The following CCDC15 variants were observed in gnomAD, a reference collection of about 807,000 sequenced individuals.
The protein encoded by CCDC15 is coiled-coil domain-containing protein 15.
CCDC15 carries 105 observed loss-of-function variants against 114.5 expected under a neutral mutation model. That is an observed-to-expected ratio of 0.92 (90% confidence interval 0.78 to 1.08). CCDC15 has a LOEUF of 1.08. Among genes scored for constraint, CCDC15 ranks in the 50% least tolerant of loss-of-function variants. The pLI, the probability that CCDC15 is intolerant of heterozygous loss-of-function variation, is 0.00. For missense variants in CCDC15, 1,105 were observed against 1,093.6 expected (o/e 1.01, Z -0.15); for synonymous variants, 334 against 377.8 (o/e 0.88, Z 1.34).
chr11:125,003,933 G>A lies in CCDC15; in HGVS notation c.2281G>A (p.Val761Met), dbSNP rs371494047. The A allele has an allele frequency of 3.0e-5, 46 of 1,550,236 alleles. No homozygotes were observed. The highest frequency in any genetic ancestry group is 4.3e-5 in the Admixed American group (2 of 46,676). ...FQAPLAFQSD[V>M]DKEEDKKERQ... ...AGCTCCACTGGCATTTCAGTCTGAC[G>A]TGGATAAAGAAGAAGATAAGAAAGA... The change falls in exon 12 of 16, where the codon GTG becomes ATG. Residue 761 changes from valine to methionine, a missense_variant. By Grantham distance (21) the Val-to-Met change is conservative. Coordinates refer to ENST00000344762, the MANE Select transcript of CCDC15 (RefSeq NM_025004.3).
intron 6 of CCDC15, 51 bp from the exon 7 acceptor site, chr11:124,986,691 T>TGTGGG: frequency 8.2e-7 from 1 of 1,221,882 alleles, no homozygotes; most frequent in South Asian, 1.7e-5. Context: ...GTGTGTGTGT[T>TGTGGG]TGTGTGTGTG....
intron 12 of CCDC15, 62 bp downstream of exon 12, chr11:125,004,021 A>G (rs561420404): frequency 3.5e-6 from 3 of 853,828 alleles, no homozygotes; most frequent in African/African-American, 3.6e-5. Flanking sequence ...AATATATGAG[A>G]AATTGGAAAC....
intron 4 of CCDC15, among the ~76,000 whole-genome samples, chr11:124,970,561 C>T (rs1947861623): frequency 6.6e-6 from 1 of 152,176 alleles, no homozygotes. Flanking sequence ...CTTAACAATA[C>T]ACTTTACATT....
At chr11:125,032,457 T>C (rs1283390457) in intron 13 of CCDC15, among the ~76,000 whole-genome samples, 1 of 152,174 alleles carries the variant, frequency 6.6e-6, no homozygotes, top group African/African-American at 2.4e-5. Context: ...TGGTTAAGCT[T>C]ATGATAATCC....
At chr11:124,991,326 G>A in intron 8 of CCDC15, 135 bp from the exon 9 acceptor site, 3 of 485,428 alleles carry the variant, frequency 6.2e-6, no homozygotes, top group South Asian at 6.2e-5. Flanking sequence ...AAGTATGAGT[G>A]TCTCTTTTAT....
At chr11:124,955,483 A>G (rs1947533114) in intron 2 of CCDC15, among the ~76,000 whole-genome samples, 1 of 152,246 alleles carries the variant, frequency 6.6e-6, no homozygotes, top group Non-Finnish European at 1.5e-5. Flanking sequence ...CTTGGCACTT[A>G]CCACATTGTG....
At chr11:125,008,993 C>T (rs1948570492) in intron 13 of CCDC15, among the ~76,000 whole-genome samples, 2 of 151,956 alleles carry the variant, frequency 1.3e-5, no homozygotes, top group Non-Finnish European at 2.9e-5. Flanking sequence ...CTGAGGCGGG[C>T]AGATCACCTG....
At chr11:124,964,542 T>C (rs546644701) in intron 4 of CCDC15, among the ~76,000 whole-genome samples, 50 of 152,362 alleles carry the variant, frequency 3.3e-4, no homozygotes, top group African/African-American at 1.1e-3. Context: ...GATTTTGGGC[T>C]GAGTCGATGG....
Position 125,039,087 on chromosome 11 carries a change from A to T in CCDC15, c.2734+18A>T. The T allele has an allele frequency of 6.3e-7, 1 of 1,576,996 alleles. No individual in the cohort carries two copies. The highest frequency in any genetic ancestry group is 8.6e-7 in the Non-Finnish European group (1 of 1,157,876). ...CCACAGAGGTAAGTTTCTTGAAGGA[A>T]TAGTCAGGGCCTAATGGCAACAAGA... On this transcript the variant is annotated intron_variant, in intron 15 of 15. Transcript: ENST00000344762.
rs528672699 is a variant in CCDC15 at position 125,016,112 on chromosome 11, C to T, written c.2411+10900C>T. On this transcript the variant is annotated intron_variant, in intron 13 of 15. Coordinates refer to ENST00000344762, the MANE Select transcript of CCDC15 (RefSeq NM_025004.3). ...TCTTAATTTCTCAAATATTTTATTA[C>T]TAGTTTGTTTGACATTGTAAGACTA... Among the ~76,000 whole-genome samples, 320 of 152,120 alleles carry T rather than the reference C, an allele frequency of 2.1e-3. 1 individual carries two copies. Among genetic ancestry groups the T allele is most frequent in the African/African-American group, 7.3e-3 (301 of 41,512 alleles).
chr11:124,966,781 G>T (rs1020677020), intron 4 of CCDC15, among the ~76,000 whole-genome samples: 5 of 152,124 alleles, frequency 3.3e-5, no homozygotes, highest in African/African-American at 7.2e-5. Context: ...GGCTGGTACT[G>T]GTTGTTCCTT....
At chr11:124,984,095 T>C (rs1325728903) in intron 6 of CCDC15, among the ~76,000 whole-genome samples, 1 of 151,762 alleles carries the variant, frequency 6.6e-6, no homozygotes, top group Non-Finnish European at 1.5e-5. Context: ...CAGGGTGCGC[T>C]CACATTGGCA....
At chr11:125,005,276 C>T in intron 13 of CCDC15, 64 bp downstream of exon 13, 1 of 711,120 alleles carries the variant, frequency 1.4e-6, no homozygotes, top group South Asian at 2.2e-5. Flanking sequence ...GGAAGATGAA[C>T]TTTAGAAAAA....
At chr11:125,034,585 C>A (rs1350332854) in intron 13 of CCDC15, among the ~76,000 whole-genome samples, 1 of 152,168 alleles carries the variant, frequency 6.6e-6, no homozygotes, top group Non-Finnish European at 1.5e-5. Context: ...AGCAACCAAC[C>A]AACTTCATTA....
chr11:124,959,091 A>G (rs964698147), intron 2 of CCDC15, 24 bp from the exon 3 acceptor site: 5 of 1,511,640 alleles, frequency 3.3e-6, no homozygotes, highest in Non-Finnish European at 3.5e-6. Flanking sequence ...ATTTAAGTTC[A>G]TTTTCTGTCT....
At chr11:124,982,930 A>G (rs763126243) in intron 6 of CCDC15, among the ~76,000 whole-genome samples, 13 of 152,202 alleles carry the variant, frequency 8.5e-5, no homozygotes, top group Non-Finnish European at 1.5e-4. Context: ...AGGGATGCCA[A>G]TGAGTCATAG....
intron 13 of CCDC15, among the ~76,000 whole-genome samples, chr11:125,021,393 T>A (rs1032736454): frequency 6.6e-6 from 1 of 151,870 alleles, no homozygotes; most frequent in African/African-American, 2.4e-5. Flanking sequence ...TATTTAGACA[T>A]TTTTTCTAAC....
chr11:124,959,568 T>G (rs1181451067), intron 3 of CCDC15, among the ~76,000 whole-genome samples: 1 of 152,190 alleles, frequency 6.6e-6, no homozygotes, highest in Non-Finnish European at 1.5e-5. Flanking sequence ...ACTTCACTGA[T>G]TGTAGTTTCT....
At chr11:125,040,439 G>A (rs4491235) in intron 15 of CCDC15, 151 bp from the exon 16 acceptor site, 228,845 of 632,942 alleles carry the variant, frequency 0.36, 44,633 homozygotes, top group African/African-American at 0.6. Context: ...CTCACAGAGT[G>A]CTTGTCATAT....
Sources: allele counts gnomAD v4.1 joint callset (sites outside exome capture counted in the v4.1 genomes callset), GRCh38; gene constraint gnomAD v4.1.1; transcripts MANE v1.5; gene names NCBI Gene and HGNC (gene_info 2026-07-23, HGNC 2026-07-21).